Variants in PRRC2C observed in about 807,000 individuals in gnomAD.
PRRC2C encodes proline rich coiled-coil 2C.
A neutral mutation model predicts 317.2 loss-of-function variants in PRRC2C; 72 were observed. That is an observed-to-expected ratio of 0.23 (90% CI 0.19 to 0.28). The LOEUF is 0.28. PRRC2C is among the 10% of genes least tolerant of loss of function. The pLI is 1.00. For missense variants in PRRC2C, 3,074 were observed against 3,459.7 expected (o/e 0.89, Z 2.80); for synonymous variants, 1,296 against 1,205.9 (o/e 1.07, Z -1.55).
In PRRC2C at chr1:171,591,692, T is replaced by G; in HGVS notation, c.8542T>G (p.Ser2848Ala). 1.2e-6 allele frequency: 2 copies of G among 1,613,886 alleles called. No individual in the cohort carries two copies. The highest frequency in any genetic ancestry group is 1.7e-6 in the Non-Finnish European group (2 of 1,179,864). The change falls in exon 35 of 35, where the codon TCA becomes GCA. Residue 2848 changes from serine to alanine, a missense_variant. Transcript: ENST00000647382. Reference protein sequence around the residue: ...GGKAQKVDSDSSKPPETLTDP... With the variant: ...GGKAQKVDSDASKPPETLTDP... Reference sequence around the variant, plus strand: ...CAAAGCCCAGAAAGTGGACAGTGATTCAAGTAAACCTCCTGAAACACTGAC... The same window carrying G: ...CAAAGCCCAGAAAGTGGACAGTGATGCAAGTAAACCTCCTGAAACACTGAC...
intron 1 of PRRC2C, among the ~76,000 whole-genome samples, chr1:171,501,319 CAG>C (rs1171269508): frequency 5.3e-5 from 8 of 152,082 alleles, no homozygotes; most frequent in African/African-American, 1.9e-4. Flanking sequence ...TTTGTAGAAA[CAG>C]AGTTTTGTCA....
At chr1:171,545,976 C>A (rs1390393453) in intron 17 of PRRC2C, among the ~76,000 whole-genome samples, 2 of 151,974 alleles carry the variant, frequency 1.3e-5, no homozygotes, top group Non-Finnish European at 2.9e-5. Flanking sequence ...AATTCAGTAA[C>A]CACTCTACTT....
At chr1:171,571,053 A>G (rs1178460231) in intron 23 of PRRC2C, among the ~76,000 whole-genome samples, 2 of 152,190 alleles carry the variant, frequency 1.3e-5, no homozygotes, top group Non-Finnish European at 2.9e-5. Context: ...CTGCCTTCTG[A>G]GTATACACCT....
chr1:171,550,525 T>C (rs1271821717), intron 18 of PRRC2C, among the ~76,000 whole-genome samples: 1 of 151,634 alleles, frequency 6.6e-6, no homozygotes, highest in African/African-American at 2.4e-5. Flanking sequence ...CATGCAGGTT[T>C]GTTACATATG....
chr1:171,496,774 C>CGTGTGTGTGTGT lies in PRRC2C; in HGVS notation c.-58+11066_-58+11077dup, dbSNP rs71688813. On this transcript the variant is annotated intron_variant, in intron 1 of 34. Coordinates refer to ENST00000647382, the MANE Select transcript of PRRC2C (RefSeq NM_001387844.1). ...TAGCAGCAAATCGATACATTTGGGG[C>CGTGTGTGTGTGT]GTGTGTGTGTGTGTGTGTGTGTGTG... 6.3e-4 allele frequency among the ~76,000 whole-genome samples: 93 copies of CGTGTGTGTGTGT among 146,892 alleles called. 1 individual carries two copies. Among genetic ancestry groups the CGTGTGTGTGTGT allele is most frequent in the African/African-American group, 1.6e-3 (61 of 39,208 alleles).
intron 1 of PRRC2C, among the ~76,000 whole-genome samples, chr1:171,498,919 A>C (rs1668594540): frequency 1.3e-5 from 2 of 152,154 alleles, no homozygotes; most frequent in African/African-American, 4.8e-5. Flanking sequence ...CTTCCACCTC[A>C]GCCTCCTGAG....
At chr1:171,574,201 TTATAA>T (rs1284144156) in intron 24 of PRRC2C, among the ~76,000 whole-genome samples, 8 of 152,120 alleles carry the variant, frequency 5.3e-5, no homozygotes, top group Admixed American at 2.6e-4. Context: ...AGTGTTTTAG[TTATAA>T]TATTATAAAT....
At position 171,515,822 on chromosome 1, in the gene PRRC2C, T is replaced by A; in HGVS notation, c.489T>A (p.Asp163Glu). 3 of 1,612,238 alleles carry A rather than the reference T, an allele frequency of 1.9e-6. No individual in the cohort carries two copies. Among genetic ancestry groups the A allele is most frequent in the Non-Finnish European group, 2.5e-6 (3 of 1,178,954 alleles). The change falls in exon 5 of 35, where the codon GAT becomes GAA. Residue 163 changes from aspartate (D) to glutamate (E), a missense_variant. By Grantham distance (45) the Asp-to-Glu change is conservative (BLOSUM62 2). This residue lies in a region of PRRC2C where 237 missense variants were observed against 199.5 expected (regional missense o/e 1.19). Transcript: ENST00000647382. ...DQEKKEKETN[D>E]DNYGPGPSLR... ...AAAAAAAAGAAAAGGAAACAAATGA[T>A]GACAACTATGGACCTGGACCCAGTT...
Position 171,587,669 on chromosome 1 carries a change from G to A in PRRC2C, c.7990G>A (p.Ala2664Thr), listed in dbSNP as rs770062107. 6.2e-7 allele frequency: 1 copy of A among 1,611,876 alleles called. No individual in the cohort carries two copies. The highest frequency in any genetic ancestry group is 2.2e-5 in the East Asian group (1 of 44,856). The change falls in exon 32 of 35, where the codon GCC becomes ACC. Residue 2664 changes from alanine to threonine, a missense_variant. Physicochemically the swap from Ala to Thr is moderately conservative, Grantham distance 58. Around this residue, in one of 11 missense-constraint regions of PRRC2C, gnomAD observed 490 missense variants for 663.1 expected, o/e 0.74. Transcript: ENST00000647382. ...TCAGATGTCTGAAATGGAACTAAAAGCCTTTGGAAGTGGCATTGATATAAA... is the reference window on the plus strand; with the variant it reads ...TCAGATGTCTGAAATGGAACTAAAAACCTTTGGAAGTGGCATTGATATAAA... ...TGKMSEMELK[A>T]FGSGIDIKPG...
At chr1:171,579,605 A>T in intron 27 of PRRC2C, 139 bp downstream of exon 27, 1 of 1,414,334 alleles carries the variant, frequency 7.1e-7, no homozygotes, top group Non-Finnish European at 9.2e-7. Flanking sequence ...AGCAAAATTT[A>T]AAATTTTTCC....
chr1:171,535,511 T>G lies in PRRC2C; in HGVS notation c.1957T>G (p.Ser653Ala). 2 of 1,613,988 alleles carry G rather than the reference T, an allele frequency of 1.2e-6. No homozygotes were observed. The highest frequency in any genetic ancestry group is 2.7e-5 in the African/African-American group (2 of 75,054). Residue 653 changes from serine to alanine, a missense_variant, in exon 13 of 35, where the codon TCA becomes GCA. Coordinates refer to ENST00000647382, the MANE Select transcript of PRRC2C (RefSeq NM_001387844.1). ...AGTGGTGCATGAAACAGAACCAGAATCAGGGTCTCAACCTCGGCCGGCTGT... is the reference window on the plus strand; with the variant it reads ...AGTGGTGCATGAAACAGAACCAGAAGCAGGGTCTCAACCTCGGCCGGCTGT... ...TPVVHETEPE[S>A]GSQPRPAVLS...
In PRRC2C at chr1:171,540,611, G is replaced by T. The variant is rs748920176; in HGVS notation, c.3145G>T (p.Val1049Phe). ...EKAEKVTEKV[V>F]VKPEKTEKKD... ...GGCCGAAAAGGTCACTGAAAAAGTA[G>T]TTGTAAAGCCTGAAAAGACGGAAAA... The change falls in exon 16 of 35, where the codon GTT becomes TTT. Residue 1049 changes from valine to phenylalanine, a missense_variant. By Grantham distance (50) the Val-to-Phe change is conservative (BLOSUM62 -1). Coordinates refer to ENST00000647382, the MANE Select transcript of PRRC2C (RefSeq NM_001387844.1). 210 of 1,613,842 alleles carry T rather than the reference G, an allele frequency of 1.3e-4. No homozygotes were observed. Among genetic ancestry groups the T allele is most frequent in the Non-Finnish European group, 1.6e-4 (191 of 1,179,906 alleles).
chr1:171,553,167 A>G (rs529472011), intron 18 of PRRC2C, among the ~76,000 whole-genome samples: 45 of 152,218 alleles, frequency 3.0e-4, no homozygotes, highest in South Asian at 1.0e-3. Context: ...CAGGGATTCA[A>G]CTTCTTCCTG....
rs1475898586 is a variant in PRRC2C, at chr1:171,506,494, T to C, written c.-57-5538T>C. Among the ~76,000 whole-genome samples, 5 of 152,146 alleles carry C rather than the reference T, an allele frequency of 3.3e-5. No individual in the cohort carries two copies. In the South Asian group the frequency reaches 8.3e-4, roughly 25 times the overall value. On this transcript the variant is annotated intron_variant, in intron 1 of 34. Transcript: ENST00000647382. Reference sequence around the variant, plus strand: ...CTGGGTTTGCAGTTTTCATCAAATTTGTACCATTTTGGCCATTGTTTTTTC... The same window carrying C: ...CTGGGTTTGCAGTTTTCATCAAATTCGTACCATTTTGGCCATTGTTTTTTC...
chr1:171,533,934 T>C (rs1676335593), intron 12 of PRRC2C, among the ~76,000 whole-genome samples: 1 of 152,216 alleles, frequency 6.6e-6, no homozygotes, highest in Non-Finnish European at 1.5e-5. Flanking sequence ...AAGTTTAGTT[T>C]TAATGAACGA....
In PRRC2C at chr1:171,545,529, G is replaced by A. The variant is rs1268836824; in HGVS notation, c.4814G>A (p.Gly1605Asp). The change falls in exon 17 of 35, where the codon GGC becomes GAC. Residue 1605 changes from glycine (G) to aspartate (D), a missense_variant. Transcript: ENST00000647382. ...AGTTGVDLIN[G>D]SSAHHQEGVP... ...ACAACTGGGGTTGACCTCATCAATGGCAGCTCTGCACACCATCAGGAAGGA... is the reference window on the plus strand; with the variant it reads ...ACAACTGGGGTTGACCTCATCAATGACAGCTCTGCACACCATCAGGAAGGA... 1 of 1,591,382 alleles carries A rather than the reference G, an allele frequency of 6.3e-7. No individual in the cohort carries two copies. The highest frequency in any genetic ancestry group is 1.8e-5 in the Admixed American group (1 of 56,338).
At chr1:171,568,575 C>T (rs151186463) in intron 23 of PRRC2C, among the ~76,000 whole-genome samples, 169 of 152,200 alleles carry the variant, frequency 1.1e-3, no homozygotes, top group African/African-American at 3.8e-3. Flanking sequence ...GTTTGTGGTG[C>T]GTAGGCTTGG....
rs1300677641 is a variant in PRRC2C, at chr1:171,541,918, T to C, written c.4452T>C (p.Asp1484=). The C allele has an allele frequency of 2.5e-6, 4 of 1,613,786 alleles. No homozygotes were observed. The South Asian group carries it at 4.4e-5, about 18-fold the overall frequency. Reference sequence around the variant, plus strand: ...ATATTTCCGGGAATAAGACACCAGATTTATCTAATCAGAACTCTTCAGATC... The same window carrying C: ...ATATTTCCGGGAATAAGACACCAGACTTATCTAATCAGAACTCTTCAGATC... ...LGDISGNKTP[D]LSNQNSSDQA... The change falls in exon 16 of 35, where the codon GAT becomes GAC. Residue 1484 remains aspartate, a synonymous_variant. Transcript: ENST00000647382. This position sits in a 1 kb window ranked among gnomAD's most constrained non-coding sequence, Gnocchi z 4.1.
chr1:171,565,606 C>G (rs968946904), intron 20 of PRRC2C, among the ~76,000 whole-genome samples: 1 of 152,124 alleles, frequency 6.6e-6, no homozygotes, highest in South Asian at 2.1e-4. Context: ...TGCCACCAAG[C>G]CCTGCTAGTT....
Sources: allele counts gnomAD v4.1 joint callset (sites outside exome capture counted in the v4.1 genomes callset), GRCh38; gene constraint gnomAD v4.1.1; regional missense constraint gnomAD v4.1.1; non-coding constraint Gnocchi (gnomAD v3.1); transcripts MANE v1.5; gene names NCBI Gene and HGNC (gene_info 2026-07-23, HGNC 2026-07-21).